The following PECR variants were observed in gnomAD, a reference collection of about 807,000 sequenced individuals.
PECR encodes the protein 2,4-dienoyl-CoA reductase-related protein.
PECR carries 30 observed loss-of-function variants against 35.3 expected under a neutral mutation model. The ratio of observed to expected loss-of-function variants is 0.85; its 90% confidence interval spans 0.64 to 1.15. The LOEUF (loss-of-function observed/expected upper bound fraction) is 1.15, where lower values mean the gene tolerates loss of function less well. Among genes scored for constraint, PECR ranks in the 50% most tolerant of loss-of-function variants. The pLI is 0.00. For missense variants in PECR, 392 were observed against 370.8 expected, an observed-to-expected ratio of 1.06 and a Z score of -0.47; for synonymous variants, 148 against 138.9, an observed-to-expected ratio of 1.07 and a Z score of -0.46.
chr2:216,035,602 T>C (rs1694781225), downstream of PECR, among the ~76,000 whole-genome samples: 1 of 151,938 alleles, frequency 6.6e-6, no homozygotes, highest in Non-Finnish European at 1.5e-5. Context: ...TTCTCCTGCC[T>C]TAGCTTCACT....
intron 2 of PECR, 48 bp from the exon 3 acceptor site, chr2:216,065,525 A>G (rs572230399): frequency 1.8e-6 from 2 of 1,136,514 alleles, no homozygotes; most frequent in South Asian, 2.5e-5. Context: ...TTAATAGCCT[A>G]ACTTGCTACC....
Position 216,060,589 on chromosome 2 carries a change from G to A in PECR, c.425-1613C>T, listed in dbSNP as rs568730278. ...AAGCGGGGAGGATTGCTTGACCCCAGGAGTTCAAGGTTGCAGTGGGCTATG... is the reference window on the plus strand; with the variant it reads ...AAGCGGGGAGGATTGCTTGACCCCAAGAGTTCAAGGTTGCAGTGGGCTATG... On this transcript the variant is annotated intron_variant, in intron 3 of 7. Coordinates refer to ENST00000265322, the MANE Select transcript of PECR (RefSeq NM_018441.6). Among the ~76,000 whole-genome samples the A allele has an allele frequency of 2.0e-5, 3 of 152,222 alleles. No homozygotes were observed. In the South Asian group the frequency reaches 6.2e-4, roughly 32 times the overall value.
At chr2:216,043,142 C>G (rs1258613594) in intron 7 of PECR, among the ~76,000 whole-genome samples, 1 of 147,812 alleles carries the variant, frequency 6.8e-6, no homozygotes, top group East Asian at 2.0e-4. Flanking sequence ...GAGTCTCACT[C>G]TGTCGCCCAG....
At chr2:216,044,569 G>A (rs1365955306) in intron 6 of PECR, among the ~76,000 whole-genome samples, 1 of 152,172 alleles carries the variant, frequency 6.6e-6, no homozygotes, top group Non-Finnish European at 1.5e-5. Context: ...AGGCACAGTG[G>A]CGGGCACCTG....
At chr2:216,066,117 T>C (rs940668552) in intron 2 of PECR, among the ~76,000 whole-genome samples, 1 of 152,058 alleles carries the variant, frequency 6.6e-6, no homozygotes, top group South Asian at 2.1e-4. Flanking sequence ...GAGGAAGACT[T>C]TGTCTCAAAA....
rs149743429 is a variant in PECR at position 216,049,318 on chromosome 2, A to C, written c.659T>G (p.Phe220Cys). The change falls in exon 6 of 8, where the codon TTC becomes TGC. Residue 220 changes from phenylalanine (F) to cysteine (C), a missense_variant. Physicochemically the swap from Phe to Cys is radical, Grantham distance 205 (BLOSUM62 -2). Transcript: ENST00000265322. ...GATTTTCTGAAAAGACCCTTCAAAG[A>C]AGCTTTGTCCCCAGGAACCATAGTT... Reference protein sequence around the residue: ...VENYGSWGQSFFEGSFQKIPA... With the variant: ...VENYGSWGQSCFEGSFQKIPA... 1.7e-5 allele frequency: 27 copies of C among 1,606,162 alleles called. No individual in the cohort carries two copies. In the African/African-American group the frequency reaches 3.2e-4, roughly 19 times the overall value.
intron 1 of PECR, among the ~76,000 whole-genome samples, chr2:216,074,523 AG>A (rs1209199094): frequency 1.8e-4 from 24 of 134,374 alleles, no homozygotes; most frequent in African/African-American, 7.8e-4. Flanking sequence ...GAAGGAAGGA[AG>A]GAAGGAAGGA....
At chr2:216,061,450 T>G (rs77495722) in intron 3 of PECR, among the ~76,000 whole-genome samples, 1 of 151,984 alleles carries the variant, frequency 6.6e-6, no homozygotes, top group African/African-American at 2.4e-5. Context: ...AAAATGTATC[T>G]TTACAACAGA....
chr2:216,049,432 A>C (rs1225503234), intron 5 of PECR, 59 bp from the exon 6 acceptor site: 3 of 766,842 alleles, frequency 3.9e-6, no homozygotes, highest in Non-Finnish European at 6.7e-6. Context: ...TTTTAATTAT[A>C]AAGATATCAA....
At chr2:216,074,900 G>T (rs1228098680) in intron 1 of PECR, among the ~76,000 whole-genome samples, 1 of 152,124 alleles carries the variant, frequency 6.6e-6, no homozygotes, top group East Asian at 1.9e-4. Context: ...TTCAGGAAAT[G>T]GTTAAATAAG....
intron 6 of PECR, among the ~76,000 whole-genome samples, chr2:216,046,101 CAAA>C (rs766629600): frequency 1.0e-4 from 10 of 98,738 alleles, no homozygotes; most frequent in Admixed American, 2.1e-4. Flanking sequence ...TCGCTTGAAC[CAAA>C]AAAAAAAAAA....
At chr2:216,056,971 C>T (rs771329456) in intron 4 of PECR, among the ~76,000 whole-genome samples, 5 of 152,004 alleles carry the variant, frequency 3.3e-5, no homozygotes, top group Non-Finnish European at 7.4e-5. Context: ...TAAAGACAAG[C>T]TGTGTTTTTT....
intron 1 of PECR, among the ~76,000 whole-genome samples, chr2:216,070,621 A>T (rs1695570421): frequency 1.3e-5 from 2 of 152,236 alleles, no homozygotes; most frequent in Non-Finnish European, 2.9e-5. Flanking sequence ...AACTTAAAAC[A>T]AAAGAAACTG....
chr2:216,070,910 G>A (rs768628332), intron 1 of PECR, among the ~76,000 whole-genome samples: 3 of 152,220 alleles, frequency 2.0e-5, no homozygotes, highest in Non-Finnish European at 4.4e-5. Context: ...CCAACATTCT[G>A]CATTTATGAG....
intron 4 of PECR, among the ~76,000 whole-genome samples, chr2:216,058,370 A>C (rs938018175): frequency 1.3e-5 from 2 of 152,152 alleles, no homozygotes; most frequent in African/African-American, 2.4e-5. Context: ...TAAAATTTGC[A>C]TAAAGGAGGC....
At chr2:216,077,294 C>G (rs1695726013) in intron 1 of PECR, among the ~76,000 whole-genome samples, 1 of 151,366 alleles carries the variant, frequency 6.6e-6, no homozygotes, top group Non-Finnish European at 1.5e-5. Flanking sequence ...AGCACAAGGT[C>G]AAGAGATCGA....
At chr2:216,051,822 T>C (rs1695122675) in intron 4 of PECR, among the ~76,000 whole-genome samples, 1 of 152,218 alleles carries the variant, frequency 6.6e-6, no homozygotes, top group African/African-American at 2.4e-5. Context: ...TAAAGAACTT[T>C]GATTACAAAG....
chr2:216,043,200 C>T (rs1402529301), intron 7 of PECR, among the ~76,000 whole-genome samples: 9 of 149,972 alleles, frequency 6.0e-5, no homozygotes, highest in Non-Finnish European at 1.0e-4. Context: ...CTCCGCCTCC[C>T]GGGTTCACAC....
chr2:216,073,833 C>T (rs1559219228), intron 1 of PECR, among the ~76,000 whole-genome samples: 1 of 152,050 alleles, frequency 6.6e-6, no homozygotes, highest in Admixed American at 6.6e-5. Flanking sequence ...TAGGCTATAC[C>T]ATCTAGGTTT....
Sources: gnomAD v4.1 joint callset for allele counts (sites outside exome capture counted in the v4.1 genomes callset) on GRCh38, gnomAD v4.1.1 for gene constraint, MANE v1.5 for transcripts, NCBI Gene and HGNC (gene_info 2026-07-23, HGNC 2026-07-21) for gene names.